Variants in CHST11 observed in about 807,000 individuals in gnomAD.
The protein encoded by CHST11 is C4S-1.
CHST11 carries 9 observed loss-of-function variants against 30.4 expected under a neutral mutation model. The observed-to-expected ratio is 0.30, with a 90% confidence interval of 0.18 to 0.52. CHST11 has a LOEUF of 0.52. CHST11 is among the 20% of genes least tolerant of loss of function. CHST11 has a pLI of 0.97. For missense variants in CHST11, 348 were observed against 460.6 expected, an observed-to-expected ratio of 0.76 and a Z score of 2.24; for synonymous variants, 152 against 187.8, an observed-to-expected ratio of 0.81 and a Z score of 1.56.
intron 1 of CHST11, among the ~76,000 whole-genome samples, chr12:104,558,069 T>C (rs2038475055): frequency 6.6e-6 from 1 of 152,132 alleles, no homozygotes; most frequent in Admixed American, 6.5e-5. Flanking sequence ...CAGCAGCTTC[T>C]GTCCTCCAGC....
At chr12:104,597,318 C>T (rs913333668) in intron 1 of CHST11, among the ~76,000 whole-genome samples, 3 of 152,070 alleles carry the variant, frequency 2.0e-5, no homozygotes, top group African/African-American at 7.2e-5. Context: ...AATCTTTAAT[C>T]CCATTGATTT....
At chr12:104,578,465 C>T (rs1202270672) in intron 1 of CHST11, among the ~76,000 whole-genome samples, 1 of 152,186 alleles carries the variant, frequency 6.6e-6, no homozygotes, top group African/African-American at 2.4e-5. Context: ...GTTTGAGTGT[C>T]TTTCCTAAGA....
chr12:104,635,423 TAAG>T (rs1316640272), intron 2 of CHST11, among the ~76,000 whole-genome samples: 1 of 152,174 alleles, frequency 6.6e-6, no homozygotes, highest in Non-Finnish European at 1.5e-5. Context: ...CCCAGACCCT[TAAG>T]AAGATGTAAT....
chr12:104,550,249 A>G (rs1346115751), intron 1 of CHST11, among the ~76,000 whole-genome samples: 2 of 152,156 alleles, frequency 1.3e-5, no homozygotes, highest in African/African-American at 2.4e-5. Flanking sequence ...GTCAGCTGGC[A>G]TTTCCCCCAT....
rs977330625 is a variant in CHST11, at chr12:104,756,001, G to A, written c.205-948G>A. Among the ~76,000 whole-genome samples, 6 of 152,314 alleles carry A rather than the reference G, an allele frequency of 3.9e-5. 1 individual carries two copies. The highest frequency in any genetic ancestry group is 1.3e-4 in the Admixed American group (2 of 15,308). On this transcript the variant is annotated intron_variant, in intron 2 of 2. Coordinates refer to ENST00000303694, the MANE Select transcript of CHST11 (RefSeq NM_018413.6). ...GGCTATGGAGAACCCCAAAAGGCCA[G>A]TGTATGAATGGGGGCTTGGTTCCTG...
At chr12:104,734,558 T>C (rs1236553704) in intron 2 of CHST11, among the ~76,000 whole-genome samples, 1 of 152,156 alleles carries the variant, frequency 6.6e-6, no homozygotes, top group Non-Finnish European at 1.5e-5. Flanking sequence ...CTGAATACGG[T>C]CACAGGTGGA....
At chr12:104,516,818 G>C (rs1315689242) in intron 1 of CHST11, among the ~76,000 whole-genome samples, 1 of 151,880 alleles carries the variant, frequency 6.6e-6, no homozygotes, top group African/African-American at 2.4e-5. Flanking sequence ...CATTAGGAGA[G>C]CCTAGCAGAA....
intron 1 of CHST11, among the ~76,000 whole-genome samples, chr12:104,563,022 T>G (rs2038528497): frequency 6.8e-6 from 1 of 146,624 alleles, no homozygotes; most frequent in African/African-American, 2.7e-5. Flanking sequence ...TGTGAAGTGG[T>G]TTTTTTTGTT....
intron 2 of CHST11, among the ~76,000 whole-genome samples, chr12:104,623,216 C>G (rs1452076278): frequency 6.6e-6 from 1 of 152,226 alleles, no homozygotes; most frequent in African/African-American, 2.4e-5. Context: ...CCTCACCACA[C>G]TGCAAGGGTG....
chr12:104,532,739 AT>A (rs556408719), intron 1 of CHST11, among the ~76,000 whole-genome samples: 81 of 152,280 alleles, frequency 5.3e-4, no homozygotes, highest in African/African-American at 1.9e-3. Flanking sequence ...ACAGAGCCTT[AT>A]GGTTATAAGA....
chr12:104,661,407 A>C lies in CHST11; in HGVS notation c.204+59416A>C, dbSNP rs192859280. On this transcript the variant is annotated intron_variant, in intron 2 of 2. Transcript: ENST00000303694. ...ATCTCTACTACTACTACTACTACTAATAATAATAATACAAAAAATTAGCTG... is the reference window on the plus strand; with the variant it reads ...ATCTCTACTACTACTACTACTACTACTAATAATAATACAAAAAATTAGCTG... Among the ~76,000 whole-genome samples the C allele has an allele frequency of 2.1e-3, 319 of 152,010 alleles. 1 individual carries two copies. The highest frequency in any genetic ancestry group is 4.2e-3 in the African/African-American group (175 of 41,430).
At chr12:104,752,877 C>T (rs1197351019) in intron 2 of CHST11, among the ~76,000 whole-genome samples, 1 of 152,130 alleles carries the variant, frequency 6.6e-6, no homozygotes, top group African/African-American at 2.4e-5. Context: ...GATCAAGTAT[C>T]CCTACAGAGA....
intron 2 of CHST11, among the ~76,000 whole-genome samples, chr12:104,689,724 A>G (rs567520611): frequency 9.2e-5 from 14 of 152,122 alleles, no homozygotes; most frequent in African/African-American, 2.9e-4. Flanking sequence ...ACAGAGCCCT[A>G]TGAAGACCAT....
intron 1 of CHST11, among the ~76,000 whole-genome samples, chr12:104,481,339 T>C (rs2037620753): frequency 6.6e-6 from 1 of 152,214 alleles, no homozygotes; most frequent in South Asian, 2.1e-4. Context: ...TCCCTGTGCT[T>C]GGCGTGCTTT....
chr12:104,747,718 A>C (rs2040399253), intron 2 of CHST11, among the ~76,000 whole-genome samples: 3 of 152,174 alleles, frequency 2.0e-5, no homozygotes, highest in African/African-American at 7.2e-5. Context: ...CAGTTGTTAA[A>C]GGCAGATTCA....
chr12:104,672,332 G>C (rs564185604), intron 2 of CHST11, among the ~76,000 whole-genome samples: 1 of 152,280 alleles, frequency 6.6e-6, no homozygotes, highest in Admixed American at 6.5e-5. Context: ...GGGCCCGGCT[G>C]TCCAGCTGTC....
At chr12:104,583,910 A>G (rs2038775072) in intron 1 of CHST11, among the ~76,000 whole-genome samples, 1 of 152,142 alleles carries the variant, frequency 6.6e-6, no homozygotes, top group Non-Finnish European at 1.5e-5. Flanking sequence ...ATGGGGTTTC[A>G]CCATGTTAAC....
At chr12:104,722,589 G>A (rs75007497) in intron 2 of CHST11, among the ~76,000 whole-genome samples, 5,361 of 152,082 alleles carry the variant, frequency 0.035, 348 homozygotes, top group African/African-American at 0.12. Context: ...ACACGTCATC[G>A]TTTCTGCTTG....
chr12:104,604,787 A>G (rs767135066), intron 2 of CHST11, among the ~76,000 whole-genome samples: 1 of 152,192 alleles, frequency 6.6e-6, no homozygotes, highest in Non-Finnish European at 1.5e-5. Flanking sequence ...TGGGCTTGAT[A>G]TATAATGGTG....
Sources: gnomAD v4.1 joint callset for allele counts (sites outside exome capture counted in the v4.1 genomes callset) on GRCh38, gnomAD v4.1.1 for gene constraint, MANE v1.5 for transcripts, NCBI Gene and HGNC (gene_info 2026-07-23, HGNC 2026-07-21) for gene names.